Variants in NRXN3 observed in about 807,000 individuals in gnomAD.
The protein encoded by NRXN3 is neurexin 3.
NRXN3 carries 32 observed loss-of-function variants against 137.6 expected under a neutral mutation model. The ratio of observed to expected loss-of-function variants is 0.23; its 90% CI spans 0.18 to 0.31. The LOEUF is 0.31. Ranked by LOEUF, NRXN3 falls within the 10% of genes least tolerant of loss-of-function variation. NRXN3 has a pLI of 1.00. For missense variants in NRXN3, 1,574 were observed against 2,062.5 expected (o/e 0.76, Z 4.59); for synonymous variants, 798 against 784.5 (o/e 1.02, Z -0.29).
At chr14:79,573,559 C>G (rs1202518860) in intron 16 of NRXN3, among the ~76,000 whole-genome samples, 1 of 152,018 alleles carries the variant, frequency 6.6e-6, no homozygotes, top group Non-Finnish European at 1.5e-5. Context: ...CTGACTTGCT[C>G]TGTTTTATAC....
At chr14:78,459,652 G>T (rs148920930) in intron 4 of NRXN3, among the ~76,000 whole-genome samples, 111 of 152,230 alleles carry the variant, frequency 7.3e-4, no homozygotes, top group African/African-American at 2.6e-3. Context: ...TGATGGAGTG[G>T]GATGATGGTG....
At position 79,256,283 on chromosome 14, in the gene NRXN3, G is replaced by A. The variant is rs116693468; in HGVS notation, c.3263-210938G>A. Among the ~76,000 whole-genome samples the A allele has an allele frequency of 4.7e-3, 721 of 152,180 alleles. 3 individuals are homozygous for A. Among genetic ancestry groups the A allele is most frequent in the African/African-American group, 0.016 (654 of 41,508 alleles). On this transcript the variant is annotated intron_variant, in intron 15 of 20. Transcript: ENST00000335750. Reference sequence around the variant, plus strand: ...ATTTTGACTGCGTAAAATATTGTGCGTTGTTCCAAGCAAAGGTAAAATTCT... The same window carrying A: ...ATTTTGACTGCGTAAAATATTGTGCATTGTTCCAAGCAAAGGTAAAATTCT...
At chr14:78,906,785 G>T (rs1464446257) in intron 10 of NRXN3, among the ~76,000 whole-genome samples, 1 of 151,836 alleles carries the variant, frequency 6.6e-6, no homozygotes, top group Non-Finnish European at 1.5e-5. Flanking sequence ...CTGGAGCTGG[G>T]GCCTAGGTAG....
At chr14:78,351,976 A>C (rs2083577756) in intron 4 of NRXN3, among the ~76,000 whole-genome samples, 1 of 151,588 alleles carries the variant, frequency 6.6e-6, no homozygotes, top group Non-Finnish European at 1.5e-5. Context: ...AGTCCTAGCT[A>C]TTTGGAAGGC....
intron 1 of NRXN3, among the ~76,000 whole-genome samples, chr14:78,215,506 C>T (rs1490155581): frequency 2.0e-5 from 3 of 152,088 alleles, no homozygotes; most frequent in Admixed American, 1.3e-4. Context: ...GGCATGGCCT[C>T]CAGCTTGAAA....
chr14:79,353,836 A>G (rs1373592996), intron 15 of NRXN3, among the ~76,000 whole-genome samples: 1 of 152,030 alleles, frequency 6.6e-6, no homozygotes, highest in Admixed American at 6.6e-5. Context: ...AGTGACCTTT[A>G]TTTGATTCAT....
intron 19 of NRXN3, among the ~76,000 whole-genome samples, chr14:79,734,714 A>C (rs917158430): frequency 2.0e-5 from 3 of 152,316 alleles, no homozygotes; most frequent in African/African-American, 7.2e-5. Context: ...AATTAAAAAA[A>C]GAAAGCCTGA....
At chr14:79,339,162 G>A (rs1321684394) in intron 15 of NRXN3, among the ~76,000 whole-genome samples, 1 of 152,040 alleles carries the variant, frequency 6.6e-6, no homozygotes, top group Non-Finnish European at 1.5e-5. Context: ...CACAGTAACA[G>A]CTTTTCTCTG....
At chr14:79,270,142 T>G (rs1188273840) in intron 15 of NRXN3, among the ~76,000 whole-genome samples, 1 of 152,216 alleles carries the variant, frequency 6.6e-6, no homozygotes, top group Non-Finnish European at 1.5e-5. Context: ...GGTTATATAC[T>G]CCATCCTCTT....
intron 8 of NRXN3, among the ~76,000 whole-genome samples, chr14:78,743,766 T>G (rs1290757670): frequency 6.6e-6 from 1 of 152,150 alleles, no homozygotes; most frequent in East Asian, 1.9e-4. Context: ...GTAGGAAATG[T>G]TCATCTTTAT....
intron 15 of NRXN3, among the ~76,000 whole-genome samples, chr14:79,232,063 A>G (rs1407342984): frequency 6.6e-6 from 1 of 152,194 alleles, no homozygotes; most frequent in African/African-American, 2.4e-5. Context: ...CATAAAAAAT[A>G]TTTTATATTC....
chr14:78,351,499 C>T (rs1270916194), intron 4 of NRXN3, among the ~76,000 whole-genome samples: 1 of 152,078 alleles, frequency 6.6e-6, no homozygotes, highest in Non-Finnish European at 1.5e-5. Context: ...CTATTATGGG[C>T]CTTATAAATT....
chr14:78,814,660 T>C (rs1047763011), intron 10 of NRXN3, among the ~76,000 whole-genome samples: 6 of 152,136 alleles, frequency 3.9e-5, no homozygotes, highest in Non-Finnish European at 8.8e-5. Flanking sequence ...GGCTGTTTTC[T>C]GGAGAATTTC....
Position 79,259,613 on chromosome 14 carries a change from ATATGGTTATC to A in NRXN3, c.3263-207604_3263-207595del, listed in dbSNP as rs2077276449. 4.7e-5 allele frequency among the ~76,000 whole-genome samples: 7 copies of A among 148,064 alleles called. No individual in the cohort carries two copies. The South Asian group carries it at 8.4e-4, about 18-fold the overall frequency. On this transcript the variant is annotated intron_variant, in intron 15 of 20. Coordinates refer to ENST00000335750, the MANE Select transcript of NRXN3 (RefSeq NM_001330195.2). The stretch of plus-strand genomic sequence containing the variant: ...TAGAGTTATATATATATAGCTATAT[ATATGGTTATC>A]TATATAGCTATATATATAGTTATCT...
At chr14:79,241,489 C>G (rs2074284343) in intron 15 of NRXN3, among the ~76,000 whole-genome samples, 1 of 152,066 alleles carries the variant, frequency 6.6e-6, no homozygotes, top group Non-Finnish European at 1.5e-5. Context: ...CAGGGGAACT[C>G]CCATTTATAT....
At chr14:79,403,327 T>C (rs570767864) in intron 15 of NRXN3, among the ~76,000 whole-genome samples, 1 of 152,116 alleles carries the variant, frequency 6.6e-6, no homozygotes, top group African/African-American at 2.4e-5. Context: ...AATTACCATA[T>C]GATAAAGAAC....
At chr14:79,119,216 T>C (rs1487854796) in intron 15 of NRXN3, among the ~76,000 whole-genome samples, 3 of 152,166 alleles carry the variant, frequency 2.0e-5, no homozygotes, top group African/African-American at 7.2e-5. Flanking sequence ...ATGAGTTTGG[T>C]TCATTTTATC....
At chr14:78,794,894 GC>G (rs1461343669) in intron 8 of NRXN3, among the ~76,000 whole-genome samples, 4 of 150,044 alleles carry the variant, frequency 2.7e-5, no homozygotes, top group Non-Finnish European at 5.9e-5. Context: ...TGGCAACATG[GC>G]AAAACCCTGT....
chr14:78,628,310 A>C (rs1376762674), intron 4 of NRXN3, among the ~76,000 whole-genome samples: 2 of 152,096 alleles, frequency 1.3e-5, no homozygotes, highest in Non-Finnish European at 2.9e-5. Context: ...GCTTCAAGTG[A>C]TCCTTCTGAG....
Sources: allele counts gnomAD v4.1 joint callset (sites outside exome capture counted in the v4.1 genomes callset), GRCh38; gene constraint gnomAD v4.1.1; transcripts MANE v1.5; gene names NCBI Gene and HGNC (gene_info 2026-07-23, HGNC 2026-07-21).